ZFHX3: variants seen among roughly 807,000 people sequenced by gnomAD.
ZFHX3 encodes the protein zinc finger homeobox 3.
Under a neutral mutation model 279.1 loss-of-function variants are expected in ZFHX3, and 42 were observed. The ratio of observed to expected loss-of-function variants is 0.15; its 90% confidence interval spans 0.12 to 0.19. The LOEUF is 0.19. Among genes scored for constraint, ZFHX3 ranks in the 10% least tolerant of loss-of-function variants. The pLI is 1.00. For synonymous variants in ZFHX3, 2,293 were observed against 1,957.8 expected, an observed-to-expected ratio of 1.17 and a Z score of -4.52; for missense variants, 4,981 against 4,754.0, an observed-to-expected ratio of 1.05 and a Z score of -1.40.
intron 3 of ZFHX3, among the ~76,000 whole-genome samples, chr16:73,447,611 T>A (rs1315514205): frequency 6.6e-6 from 1 of 152,154 alleles, no homozygotes; most frequent in African/African-American, 2.4e-5. Flanking sequence ...GCAGAGTCCC[T>A]GGTTCTGAGA....
intron 3 of ZFHX3, among the ~76,000 whole-genome samples, chr16:72,892,664 C>A (rs752216946): frequency 1.3e-5 from 2 of 152,062 alleles, no homozygotes; most frequent in Non-Finnish European, 2.9e-5. Flanking sequence ...TAAGCCACCA[C>A]ACCTAGCTAA....
At chr16:73,857,462 C>G (rs1961764242) in intron 1 of ZFHX3, among the ~76,000 whole-genome samples, 1 of 152,128 alleles carries the variant, frequency 6.6e-6, no homozygotes, top group South Asian at 2.1e-4. Flanking sequence ...CCCACTTGTT[C>G]CAATCAAAGA....
At chr16:73,368,358 A>G (rs949930325) in intron 3 of ZFHX3, among the ~76,000 whole-genome samples, 1 of 152,256 alleles carries the variant, frequency 6.6e-6, no homozygotes, top group Non-Finnish European at 1.5e-5. Context: ...TCCAAAGGTC[A>G]CAGGCTCCCC....
chr16:73,316,470 C>G (rs1297785761), intron 4 of ZFHX3, among the ~76,000 whole-genome samples: 1 of 152,188 alleles, frequency 6.6e-6, no homozygotes, highest in African/African-American at 2.4e-5. Context: ...TCACAATGGA[C>G]TGTTCCTTCT....
At chr16:73,848,123 A>G (rs1231183653) in intron 1 of ZFHX3, among the ~76,000 whole-genome samples, 1 of 151,910 alleles carries the variant, frequency 6.6e-6, no homozygotes, top group Admixed American at 6.6e-5. Flanking sequence ...GTCTCATTAC[A>G]GTTTACACTC....
chr16:73,702,583 G>A (rs1471202302), intron 1 of ZFHX3, among the ~76,000 whole-genome samples: 6 of 152,108 alleles, frequency 3.9e-5, no homozygotes, highest in Non-Finnish European at 5.9e-5. Flanking sequence ...TGCAGTTATC[G>A]GCCCCTCCAC....
intron 8 of ZFHX3, among the ~76,000 whole-genome samples, chr16:73,070,322 A>C (rs1047162963): frequency 6.6e-6 from 1 of 152,110 alleles, no homozygotes; most frequent in African/African-American, 2.4e-5. Context: ...ATCTAGATCC[A>C]TCTGAGCCCC....
At chr16:73,072,393 G>A (rs1022423486) in intron 8 of ZFHX3, among the ~76,000 whole-genome samples, 12 of 148,848 alleles carry the variant, frequency 8.1e-5, no homozygotes, top group African/African-American at 2.5e-4. Flanking sequence ...GCAGTGAGCC[G>A]AGATCGTGCC....
intron 2 of ZFHX3, among the ~76,000 whole-genome samples, chr16:73,628,333 G>C (rs1020196847): frequency 6.6e-6 from 1 of 152,110 alleles, no homozygotes; most frequent in South Asian, 2.1e-4. Context: ...GAGTTCAAAT[G>C]TATGGATCTA....
intron 1 of ZFHX3, among the ~76,000 whole-genome samples, chr16:73,887,262 A>G (rs2030377105): frequency 6.6e-6 from 1 of 152,222 alleles, no homozygotes. Flanking sequence ...CCAGGCCTCG[A>G]GATAAAACAA....
At chr16:73,863,804 G>A (rs1235208208) in intron 1 of ZFHX3, among the ~76,000 whole-genome samples, 2 of 152,150 alleles carry the variant, frequency 1.3e-5, no homozygotes, top group Non-Finnish European at 2.9e-5. Flanking sequence ...TAGATGTTCT[G>A]TGAAAGAATA....
intron 1 of ZFHX3, among the ~76,000 whole-genome samples, chr16:73,881,903 T>G (rs1158434246): frequency 6.6e-6 from 1 of 152,096 alleles, no homozygotes; most frequent in Non-Finnish European, 1.5e-5. Flanking sequence ...GCAGCTCCCC[T>G]CCAGTTTCCC....
chr16:73,047,929 A>C lies in ZFHX3; in HGVS notation c.-227T>G, dbSNP rs1965359568. The C allele has an allele frequency of 6.6e-6, 1 of 152,300 alleles. No homozygotes were observed. The highest frequency in any genetic ancestry group is 6.5e-5 in the Admixed American group (1 of 15,290). The allele number at this position is 152,300 out of a possible 1,614,324, so 9.4% of individuals were successfully genotyped here. A position where few individuals can be genotyped will look rare whatever the true frequency, so the allele number is the denominator to read the frequency against. On this transcript the variant is annotated 5_prime_UTR_variant, in exon 1 of 10. Transcript: ENST00000268489. ...CCAGGACTCGGAGGTGGCTCTGGTC[A>C]GGAGCAGGGGGCCCGGAGACAGGGG... is the stretch of plus-strand genomic sequence containing the variant.
At chr16:72,923,167 C>T (rs1199218312) in intron 3 of ZFHX3, among the ~76,000 whole-genome samples, 4 of 152,132 alleles carry the variant, frequency 2.6e-5, no homozygotes, top group African/African-American at 4.8e-5. Flanking sequence ...GGGCTGGGTG[C>T]GTTGGCTCAT....
intron 3 of ZFHX3, among the ~76,000 whole-genome samples, chr16:72,936,743 G>A (rs1312774802): frequency 6.6e-6 from 1 of 152,182 alleles, no homozygotes; most frequent in Non-Finnish European, 1.5e-5. Context: ...ACAGTACAAA[G>A]GTGAGCTTTT....
intron 3 of ZFHX3, among the ~76,000 whole-genome samples, chr16:73,376,378 G>T (rs1379926588): frequency 6.6e-6 from 1 of 152,058 alleles, no homozygotes. Context: ...TTAGGTTCTG[G>T]ACCATTTTCT....
intron 1 of ZFHX3, among the ~76,000 whole-genome samples, chr16:73,055,725 C>CACACACACAT (rs1965540840): frequency 6.8e-6 from 1 of 147,926 alleles, no homozygotes; most frequent in Admixed American, 6.7e-5. Context: ...CACACACATA[C>CACACACACAT]ACACACACAC....
chr16:72,967,639 G>A (rs1320614731), intron 1 of ZFHX3, among the ~76,000 whole-genome samples: 1 of 152,018 alleles, frequency 6.6e-6, no homozygotes, highest in Admixed American at 6.6e-5. Context: ...GAATACTTCC[G>A]GGAGCGGTGG....
intron 2 of ZFHX3, among the ~76,000 whole-genome samples, chr16:73,529,457 G>A (rs1487551702): frequency 6.6e-6 from 1 of 152,088 alleles, no homozygotes; most frequent in East Asian, 1.9e-4. Flanking sequence ...ACTTAGCATG[G>A]CACCCACCCA....
Sources: allele counts gnomAD v4.1 joint callset (sites outside exome capture counted in the v4.1 genomes callset), GRCh38; gene constraint gnomAD v4.1.1; transcripts MANE v1.5; gene names NCBI Gene and HGNC (gene_info 2026-07-23, HGNC 2026-07-21).